Variants in RIMS1 observed in about 807,000 individuals in gnomAD.
RIMS1 encodes regulating synaptic membrane exocytosis 1.
Under a neutral mutation model 214.1 loss-of-function variants are expected in RIMS1, and 83 were observed. That is an observed-to-expected ratio of 0.39 (90% CI 0.32 to 0.47). The LOEUF (loss-of-function observed/expected upper bound fraction) is 0.47, where lower values mean the gene tolerates loss of function less well. Ranked by LOEUF, RIMS1 falls within the 20% of genes least tolerant of loss-of-function variation. The pLI is 0.99. For missense variants in RIMS1, 2,050 were observed against 2,161.8 expected (o/e 0.95, Z 1.03); for synonymous variants, 793 against 786.8 (o/e 1.01, Z -0.13).
At chr6:72,056,454 A>G (rs1826196265) in intron 2 of RIMS1, among the ~76,000 whole-genome samples, 1 of 152,260 alleles carries the variant, frequency 6.6e-6, no homozygotes, top group African/African-American at 2.4e-5. Flanking sequence ...AAATTATAGA[A>G]GTTTAAAACA....
intron 1 of RIMS1, among the ~76,000 whole-genome samples, chr6:71,949,481 C>T (rs1307696061): frequency 6.6e-6 from 1 of 152,186 alleles, no homozygotes. Flanking sequence ...TAGACCACCT[C>T]AGATAATGTT....
chr6:72,148,798 CATTAA>C (rs1406166945), intron 4 of RIMS1, among the ~76,000 whole-genome samples: 2 of 151,322 alleles, frequency 1.3e-5, no homozygotes, highest in South Asian at 4.2e-4. Context: ...TACACAGACT[CATTAA>C]ATTAAGTCCA....
intron 4 of RIMS1, among the ~76,000 whole-genome samples, chr6:72,128,108 G>A (rs907393218): frequency 4.6e-5 from 7 of 152,172 alleles, no homozygotes; most frequent in African/African-American, 1.7e-4. Flanking sequence ...GCCTGCTGAA[G>A]TTAGACTACT....
intron 6 of RIMS1, among the ~76,000 whole-genome samples, chr6:72,205,187 G>A (rs546374952): frequency 1.5e-4 from 23 of 152,206 alleles, no homozygotes; most frequent in Admixed American, 6.5e-4. Flanking sequence ...TTAATTTAGT[G>A]TGTATTCTAA....
At chr6:72,011,208 G>A (rs1810445801) in intron 2 of RIMS1, among the ~76,000 whole-genome samples, 1 of 152,146 alleles carries the variant, frequency 6.6e-6, no homozygotes, top group Non-Finnish European at 1.5e-5. Context: ...TGACAAACCT[G>A]ACAAAAACAA....
At chr6:72,114,420 G>C (rs1428952378) in intron 4 of RIMS1, among the ~76,000 whole-genome samples, 1 of 151,850 alleles carries the variant, frequency 6.6e-6, no homozygotes, top group African/African-American at 2.4e-5. Context: ...TGAAAATCCA[G>C]GGCACATACC....
intron 2 of RIMS1, among the ~76,000 whole-genome samples, chr6:72,044,011 A>G (rs1233128603): frequency 2.6e-5 from 4 of 151,542 alleles, no homozygotes; most frequent in East Asian, 1.9e-4. Flanking sequence ...ACATTTTAAT[A>G]TATTATTAAA....
At chr6:72,091,259 C>G (rs988229903) in intron 2 of RIMS1, among the ~76,000 whole-genome samples, 2 of 152,162 alleles carry the variant, frequency 1.3e-5, no homozygotes, top group Admixed American at 6.5e-5. Flanking sequence ...CTTTCCTCCT[C>G]TGGAAAAATC....
chr6:72,375,074 G>T (rs533335058), intron 29 of RIMS1, among the ~76,000 whole-genome samples: 1 of 152,134 alleles, frequency 6.6e-6, no homozygotes, highest in Admixed American at 6.5e-5. Flanking sequence ...ATGAAGCTTC[G>T]CCCACTACTC....
chr6:72,400,903 A>T lies in RIMS1; in HGVS notation c.*189A>T, dbSNP rs1409375849. 7.3e-6 allele frequency: 4 copies of T among 551,432 alleles called. No homozygotes were observed. The highest frequency in any genetic ancestry group is 9.6e-6 in the Non-Finnish European group (3 of 311,372). 34.2% of individuals were successfully genotyped at this position (551,432 alleles called of 1,614,324 possible). On this transcript the variant is annotated 3_prime_UTR_variant, in exon 34 of 34. Coordinates refer to ENST00000521978, the MANE Select transcript of RIMS1 (RefSeq NM_014989.7). Reference sequence around the variant, plus strand: ...TTCATATGACAGAACAAGGCAATCTATCAAATTTACAGGAAGAATCAACAT... The same window carrying T: ...TTCATATGACAGAACAAGGCAATCTTTCAAATTTACAGGAAGAATCAACAT...
At chr6:71,887,232 C>T in intron 1 of RIMS1, 45 bp downstream of exon 1, 1 of 1,571,840 alleles carries the variant, frequency 6.4e-7, no homozygotes, top group Non-Finnish European at 8.6e-7. Flanking sequence ...GTGCCTCCAT[C>T]CGTCCATTCA....
chr6:72,137,798 A>T (rs924432516), intron 4 of RIMS1, among the ~76,000 whole-genome samples: 1 of 141,820 alleles, frequency 7.1e-6, no homozygotes, highest in South Asian at 2.2e-4. Flanking sequence ...GTGCAGTGGC[A>T]CGATCTCGGC....
chr6:72,196,916 C>A (rs903643080), intron 6 of RIMS1, among the ~76,000 whole-genome samples: 1 of 151,978 alleles, frequency 6.6e-6, no homozygotes, highest in Non-Finnish European at 1.5e-5. Flanking sequence ...GGGAGCACTT[C>A]AAGTTGGCAT....
At chr6:72,261,022 G>C (rs140439019) in intron 19 of RIMS1, 2 of 1,268,016 alleles carry the variant, frequency 1.6e-6, no homozygotes, top group South Asian at 3.1e-5. Context: ...GACTGTTTGC[G>C]TTCCTAAAAC....
chr6:72,345,546 C>G lies in RIMS1; in HGVS notation c.4366+11711C>G, dbSNP rs755558487. On this transcript the variant is annotated intron_variant, in intron 29 of 33. Transcript: ENST00000521978. ...TAAAACTTGAAGTAGAGCTTATGTTCTCAACCACTTTACTATAATTCCGTT... is the reference window on the plus strand; with the variant it reads ...TAAAACTTGAAGTAGAGCTTATGTTGTCAACCACTTTACTATAATTCCGTT... Among the ~76,000 whole-genome samples, 54 of 151,820 alleles carry G rather than the reference C, an allele frequency of 3.6e-4. 1 individual carries two copies. The highest frequency in any genetic ancestry group is 2.5e-4 in the Non-Finnish European group (17 of 67,848).
At position 72,182,884 on chromosome 6, in the gene RIMS1, G is replaced by T. The variant is rs2048560253; in HGVS notation, c.1413G>T (p.Arg471Ser). The T allele has an allele frequency of 1.3e-6, 2 of 1,567,600 alleles. No individual in the cohort carries two copies. The highest frequency in any genetic ancestry group is 2.3e-5 in the South Asian group (2 of 85,176). Residue 471 changes from arginine to serine, a missense_variant, in exon 6 of 34, where the codon AGG (arginine) becomes AGT (serine). Transcript: ENST00000521978. Reference sequence around the variant, plus strand: ...AGCTCAAAGCCCAGGAGCCCCTCAGGAAGCAGAGCCGCCTGGACCCCAGCT... The same window carrying T: ...AGCTCAAAGCCCAGGAGCCCCTCAGTAAGCAGAGCCGCCTGGACCCCAGCT... ...APELKAQEPL[R>S]KQSRLDPSSA...
At chr6:71,958,964 A>G (rs1792108394) in intron 1 of RIMS1, among the ~76,000 whole-genome samples, 1 of 152,204 alleles carries the variant, frequency 6.6e-6, no homozygotes, top group Admixed American at 6.6e-5. Flanking sequence ...TTCTACATGC[A>G]AAAGATAGAC....
At chr6:72,252,629 T>A in intron 15 of RIMS1, 132 bp from the exon 16 acceptor site, 1 of 699,804 alleles carries the variant, frequency 1.4e-6, no homozygotes, top group Non-Finnish European at 2.6e-6. Flanking sequence ...ATTAGCTCAG[T>A]GTTTACTGTA....
intron 1 of RIMS1, among the ~76,000 whole-genome samples, chr6:71,900,857 T>C (rs1190760729): frequency 2.6e-5 from 4 of 152,076 alleles, no homozygotes; most frequent in Non-Finnish European, 2.9e-5. Context: ...CAGATGGCCA[T>C]GAAGCTATGG....
Sources: allele counts gnomAD v4.1 joint callset (sites outside exome capture counted in the v4.1 genomes callset), GRCh38; gene constraint gnomAD v4.1.1; transcripts MANE v1.5; gene names NCBI Gene and HGNC (gene_info 2026-07-23, HGNC 2026-07-21).